DUSP14: variants seen among roughly 807,000 people sequenced by gnomAD.
The protein encoded by DUSP14 is dual specificity phosphatase 14.
Under a neutral mutation model 13.2 loss-of-function variants are expected in DUSP14, and 5 were observed. The observed-to-expected ratio is 0.38, with a 90% CI of 0.20 to 0.80. DUSP14 has a LOEUF of 0.80. Among genes scored for constraint, DUSP14 ranks in the 30% least tolerant of loss-of-function variants. The probability of loss-of-function intolerance (pLI) is 0.44; values close to 1 mark genes in which losing one functional copy is unlikely to be tolerated. For missense variants in DUSP14, 185 were observed against 264.0 expected (o/e 0.70, Z 2.07); for synonymous variants, 91 against 103.4 (o/e 0.88, Z 0.73).
In DUSP14 at chr17:37,512,124, GA is replaced by G. The variant is rs2143134248; in HGVS notation, c.-92-55del. The stretch of plus-strand genomic sequence containing the variant: ...ATCTTCCCATTTGACAAATGTGACA[GA>G]AGGCTGTGATGAATCAGTAGCATTT... On this transcript the variant is annotated intron_variant, in intron 2 of 2. Coordinates refer to ENST00000617516, the MANE Select transcript of DUSP14 (RefSeq NM_007026.4). The surrounding 1 kb of genome is among the most constrained non-coding windows in gnomAD (Gnocchi z 4.8). 1 of 627,806 alleles carries G rather than the reference GA, an allele frequency of 1.6e-6. No individual in the cohort carries two copies. Among genetic ancestry groups the G allele is most frequent in the African/African-American group, 1.8e-5 (1 of 55,182 alleles). 38.9% of individuals were successfully genotyped at this position (627,806 alleles called of 1,614,324 possible).
Position 37,512,717 on chromosome 17 carries a change from A to G in DUSP14, c.445A>G (p.Arg149Gly), listed in dbSNP as rs1471692085. ...GGTGAAAGCCCGGCGACCTGTCATCAGGCCCAACGTAGGCTTCTGGAGGCA... is the reference window on the plus strand; with the variant it reads ...GGTGAAAGCCCGGCGACCTGTCATCGGGCCCAACGTAGGCTTCTGGAGGCA... ...NWVKARRPVI[R>G]PNVGFWRQLI... is the part of the protein sequence containing the mutation. Residue 149 changes from arginine to glycine, a missense_variant, in exon 3 of 3, where the codon AGG (arginine) becomes GGG (glycine). Coordinates refer to ENST00000617516, the MANE Select transcript of DUSP14 (RefSeq NM_007026.4). The surrounding 1 kb of genome is among the most constrained non-coding windows in gnomAD (Gnocchi z 4.8). 6.2e-7 allele frequency: 1 copy of G among 1,613,942 alleles called. No homozygotes were observed. The highest frequency in any genetic ancestry group is 1.3e-5 in the African/African-American group (1 of 74,942).
chr17:37,512,374 A>C lies in DUSP14; in HGVS notation c.102A>C (p.Leu34=). Residue 34 remains leucine (L), a synonymous_variant, in exon 3 of 3, where the codon CTA becomes CTC. Transcript: ENST00000617516. This position sits in a 1 kb window ranked among gnomAD's most constrained non-coding sequence, Gnocchi z 4.8. ...IGGIAQITSS[L]FLGRGSVASN... The stretch of plus-strand genomic sequence containing the variant: ...GCATTGCTCAAATCACCTCCTCTCT[A>C]TTCCTGGGCAGAGGCAGTGTGGCCT... 6.2e-7 allele frequency: 1 copy of C among 1,614,030 alleles called. No individual in the cohort carries two copies. The highest frequency in any genetic ancestry group is 1.1e-5 in the South Asian group (1 of 91,076).
chr17:37,509,054 T>TG (rs2054156430), intron 1 of DUSP14, among the ~76,000 whole-genome samples: 1 of 123,946 alleles, frequency 8.1e-6, no homozygotes. Context: ...CATGGGTGAA[T>TG]GTCTAAGTTA....
chr17:37,496,347 A>G (rs903425232), intron 1 of DUSP14, among the ~76,000 whole-genome samples: 4 of 152,302 alleles, frequency 2.6e-5, no homozygotes, highest in Admixed American at 6.5e-5. Context: ...GCTCACGCCT[A>G]TAATCCCAGC....
intron 1 of DUSP14, among the ~76,000 whole-genome samples, chr17:37,506,229 C>T (rs1333937947): frequency 3.9e-5 from 6 of 152,042 alleles, no homozygotes; most frequent in Non-Finnish European, 8.8e-5. Context: ...AGCGCCATTG[C>T]ACTCTAGTCT....
chr17:37,509,009 A>G (rs1376135335), intron 1 of DUSP14, among the ~76,000 whole-genome samples: 2 of 142,218 alleles, frequency 1.4e-5, no homozygotes, highest in Admixed American at 1.4e-4. Context: ...TACACAGCAG[A>G]GTACTTAAGA....
intron 1 of DUSP14, among the ~76,000 whole-genome samples, chr17:37,492,983 G>A (rs1277911630): frequency 6.6e-6 from 1 of 152,050 alleles, no homozygotes; most frequent in Non-Finnish European, 1.5e-5. Context: ...CCTTCCTTCT[G>A]GCCGGCATCG....
intron 1 of DUSP14, among the ~76,000 whole-genome samples, chr17:37,493,178 G>A (rs12952917): frequency 0.25 from 38,533 of 151,994 alleles, 5,230 homozygotes; most frequent in Admixed American, 0.4. Context: ...GCCCAGGCTG[G>A]TCTTGAACTC....
rs2054192445 is a variant in DUSP14, at chr17:37,512,030, A to G, written c.-92-151A>G. 7.0e-6 allele frequency among the ~76,000 whole-genome samples: 1 copy of G among 143,158 alleles called. No homozygotes were observed. Among genetic ancestry groups the G allele is most frequent in the Non-Finnish European group, 1.5e-5 (1 of 66,786 alleles). The allele number at this position is 143,158 out of a possible 152,430, so 93.9% of individuals were successfully genotyped here. A position where few individuals can be genotyped will look rare whatever the true frequency, so the allele number is the denominator to read the frequency against. ...TCTTAGGTGACTTTTCCCAACTGTTAATTGATAGAAAATGATTTGTCTGTA... is the reference window on the plus strand; with the variant it reads ...TCTTAGGTGACTTTTCCCAACTGTTGATTGATAGAAAATGATTTGTCTGTA... On this transcript the variant is annotated intron_variant, in intron 2 of 2. Coordinates refer to ENST00000617516, the MANE Select transcript of DUSP14 (RefSeq NM_007026.4). The surrounding 1 kb of genome is among the most constrained non-coding windows in gnomAD (Gnocchi z 4.8).
Position 37,509,128 on chromosome 17 carries a change from T to TATAC in DUSP14, c.-180-1548_-180-1547insTACA, listed in dbSNP as rs1483030488. Among the ~76,000 whole-genome samples the TATAC allele has an allele frequency of 2.2e-3, 68 of 31,184 alleles. 1 individual carries two copies. The highest frequency in any genetic ancestry group is 2.9e-3 in the Non-Finnish European group (52 of 18,090). The allele number at this position is 31,184 out of a possible 152,430, so 20.5% of individuals were successfully genotyped here. Reference sequence around the variant, plus strand: ...CCATATATATATATATATATATATATACACACACACACACACACACACACA... The same window carrying TATAC: ...CCATATATATATATATATATATATATATACACACACACACACACACACACACACA... On this transcript the variant is annotated intron_variant, in intron 1 of 2. Transcript: ENST00000617516.
At chr17:37,496,564 AC>A (rs1170033834) in intron 1 of DUSP14, among the ~76,000 whole-genome samples, 9 of 151,932 alleles carry the variant, frequency 5.9e-5, no homozygotes, top group African/African-American at 1.9e-4. Flanking sequence ...AACCAGCCTG[AC>A]CAACATAGTG....
rs1194912098 is a variant in DUSP14, at chr17:37,489,924, C to T, written c.-215C>T. 6.4e-5 allele frequency: 7 copies of T among 109,008 alleles called. No homozygotes were observed. Among genetic ancestry groups the T allele is most frequent in the South Asian group, 2.9e-4 (1 of 3,426 alleles). The allele number at this position is 109,008 out of a possible 1,614,324, so 6.8% of individuals were successfully genotyped here. Reference sequence around the variant, plus strand: ...CGGTGGCCGCGCAGGAGGACGGAGCCCTAACCGCAACCCGCTCCGCGCCGC... The same window carrying T: ...CGGTGGCCGCGCAGGAGGACGGAGCTCTAACCGCAACCCGCTCCGCGCCGC... On this transcript the variant is annotated 5_prime_UTR_variant, in exon 1 of 3. Transcript: ENST00000617516.
Position 37,512,402 on chromosome 17 carries a change from A to G in DUSP14, c.130A>G (p.Asn44Asp). ...LFLGRGSVAS[N>D]RHLLQARGIT... ...CCTGGGCAGAGGCAGTGTGGCCTCC[A>G]ATCGGCACCTCCTCCAGGCTCGTGG... The change falls in exon 3 of 3, where the codon AAT becomes GAT. Residue 44 changes from asparagine to aspartate, a missense_variant. Coordinates refer to ENST00000617516, the MANE Select transcript of DUSP14 (RefSeq NM_007026.4). This position sits in a 1 kb window ranked among gnomAD's most constrained non-coding sequence, Gnocchi z 4.8. 6.2e-7 allele frequency: 1 copy of G among 1,614,202 alleles called. No individual in the cohort carries two copies. Among genetic ancestry groups the G allele is most frequent in the Non-Finnish European group, 8.5e-7 (1 of 1,180,038 alleles).
rs138617077 is a variant in DUSP14 at position 37,512,520 on chromosome 17, A to G, written c.248A>G (p.His83Arg). ...AAAGTGCCTCTGGCTGACATGCCGC[A>G]TGCCCCCATTGGACTGTACTTTGAC... Reference protein sequence around the residue: ...YVKVPLADMPHAPIGLYFDTV... With the variant: ...YVKVPLADMPRAPIGLYFDTV... The change falls in exon 3 of 3, where the codon CAT (histidine) becomes CGT (arginine). Residue 83 changes from histidine to arginine, a missense_variant. Transcript: ENST00000617516. This position sits in a 1 kb window ranked among gnomAD's most constrained non-coding sequence, Gnocchi z 4.8. The G allele has an allele frequency of 2.2e-5, 35 of 1,614,074 alleles. No homozygotes were observed. Among genetic ancestry groups the G allele is most frequent in the Non-Finnish European group, 3.0e-5 (35 of 1,180,042 alleles).
intron 1 of DUSP14, among the ~76,000 whole-genome samples, chr17:37,495,112 G>A (rs1420634516): frequency 8.5e-5 from 13 of 152,326 alleles, no homozygotes. Context: ...GCCCTGTCGT[G>A]TTCTTTGTCA....
At chr17:37,508,327 G>A (rs936180091) in intron 1 of DUSP14, among the ~76,000 whole-genome samples, 1 of 152,214 alleles carries the variant, frequency 6.6e-6, no homozygotes, top group African/African-American at 2.4e-5. Context: ...GCCCCACTCT[G>A]GAGGGACGGA....
chr17:37,509,135 A>ATATATATGTATG (rs1568204456), intron 1 of DUSP14, among the ~76,000 whole-genome samples: 1 of 38,996 alleles, frequency 2.6e-5, no homozygotes, highest in African/African-American at 1.6e-4. Context: ...ATATACACAC[A>ATATATATGTATG]CACACACACA....
In DUSP14 at chr17:37,512,528, A is replaced by AT; in HGVS notation, c.258dup (p.Gly87TrpfsTer5). ...TCTGGCTGACATGCCGCATGCCCCCATTGGACTGTACTTTGACACCGTGGC... is the reference window on the plus strand; with the variant it reads ...TCTGGCTGACATGCCGCATGCCCCCATTTGGACTGTACTTTGACACCGTGGC... On this transcript the variant is annotated frameshift_variant, in exon 3 of 3. Coordinates refer to ENST00000617516, the MANE Select transcript of DUSP14 (RefSeq NM_007026.4). LOFTEE classifies it high-confidence loss of function. This position sits in a 1 kb window ranked among gnomAD's most constrained non-coding sequence, Gnocchi z 4.8. 6.2e-7 allele frequency: 1 copy of AT among 1,614,116 alleles called. No homozygotes were observed.
At chr17:37,496,937 AAAG>A (rs374181920) in intron 1 of DUSP14, among the ~76,000 whole-genome samples, 27,055 of 147,320 alleles carry the variant, frequency 0.18, 2,997 homozygotes, top group East Asian at 0.54. Flanking sequence ...AAAAAAAAGA[AAAG>A]AAAATTATTG....
Sources: allele counts gnomAD v4.1 joint callset (sites outside exome capture counted in the v4.1 genomes callset), GRCh38; gene constraint gnomAD v4.1.1; non-coding constraint Gnocchi (gnomAD v3.1); transcripts MANE v1.5; gene names NCBI Gene and HGNC (gene_info 2026-07-23, HGNC 2026-07-21).